RELN: variants seen among roughly 807,000 people sequenced by gnomAD.
The protein encoded by RELN is reelin.
A neutral mutation model predicts 427.6 loss-of-function variants in RELN; 108 were observed. The ratio of observed to expected loss-of-function variants is 0.25; its 90% CI spans 0.22 to 0.30. The LOEUF (loss-of-function observed/expected upper bound fraction) is 0.30. Among genes scored for constraint, RELN ranks in the 10% least tolerant of loss-of-function variants. The pLI is 1.00. For synonymous variants in RELN, 1,524 were observed against 1,513.4 expected (o/e 1.01, Z -0.16); for missense variants, 3,715 against 4,302.8 (o/e 0.86, Z 3.82).
chr7:103,876,322 C>T (rs964435600), intron 2 of RELN, among the ~76,000 whole-genome samples: 2 of 152,086 alleles, frequency 1.3e-5, no homozygotes, highest in Non-Finnish European at 2.9e-5. Context: ...GAGGCTCACA[C>T]AAGATAAAGA....
intron 46 of RELN, among the ~76,000 whole-genome samples, chr7:103,533,735 G>A (rs1355769042): frequency 6.7e-6 from 1 of 148,678 alleles, no homozygotes; most frequent in East Asian, 1.9e-4. Flanking sequence ...TTAAAAGATA[G>A]ATTAAAAGAT....
intron 22 of RELN, among the ~76,000 whole-genome samples, chr7:103,607,023 T>C (rs1380112053): frequency 1.3e-5 from 2 of 148,658 alleles, no homozygotes; most frequent in Non-Finnish European, 3.0e-5. Flanking sequence ...TCATTTTTTA[T>C]GGCTGCATAG....
intron 63 of RELN, 165 bp downstream of exon 63, chr7:103,482,708 G>A (rs2286263): frequency 1.1e-6 from 1 of 908,324 alleles, no homozygotes; most frequent in African/African-American, 1.8e-5. Flanking sequence ...CTATTTCACT[G>A]ATGATTTGAG....
intron 2 of RELN, among the ~76,000 whole-genome samples, chr7:103,865,218 T>G (rs554631675): frequency 4.8e-5 from 7 of 145,810 alleles, no homozygotes; most frequent in Admixed American, 2.0e-4. Context: ...AAATAGGAAA[T>G]TTGAACAGAA....
rs111775924 is a variant in RELN, at chr7:103,794,121, G to A, written c.474-17494C>T. 2.2e-3 allele frequency among the ~76,000 whole-genome samples: 330 copies of A among 152,036 alleles called. 1 individual carries two copies. The highest frequency in any genetic ancestry group is 7.6e-3 in the African/African-American group (313 of 41,444). On this transcript the variant is annotated intron_variant, in intron 3 of 64. Transcript: ENST00000428762. ...TAGGTAATTTTTTTTAATTTTAAGG[G>A]TATTTAAAATGCTGATACTAAACTA...
chr7:103,863,923 G>A (rs980709588), intron 2 of RELN, among the ~76,000 whole-genome samples: 7 of 151,964 alleles, frequency 4.6e-5, no homozygotes, highest in Admixed American at 2.0e-4. Context: ...TCAGGAAGAT[G>A]ACATGTTGCA....
In RELN at chr7:103,953,104, T is replaced by C. The variant is rs1027647951; in HGVS notation, c.227-35919A>G. 2.0e-5 allele frequency among the ~76,000 whole-genome samples: 3 copies of C among 152,082 alleles called. No individual in the cohort carries two copies. The highest frequency in any genetic ancestry group is 7.2e-5 in the African/African-American group (3 of 41,392). On this transcript the variant is annotated intron_variant, in intron 1 of 64. Coordinates refer to ENST00000428762, the MANE Select transcript of RELN (RefSeq NM_005045.4). The surrounding 1 kb of genome is among the most constrained non-coding windows in gnomAD (Gnocchi z 4.3). ...TTCTCTTCCTCATCCCACGCGCTGA[T>C]TCAAGCTCCAAGATTCCTGCTCACT...
intron 28 of RELN, among the ~76,000 whole-genome samples, chr7:103,581,798 G>T (rs113235910): frequency 4.1e-4 from 63 of 152,010 alleles, no homozygotes; most frequent in African/African-American, 1.5e-3. Flanking sequence ...GGAGCCCGCC[G>T]AACTGAAAAA....
intron 11 of RELN, among the ~76,000 whole-genome samples, 187 bp from the exon 12 acceptor site, chr7:103,661,714 T>C (rs966229068): frequency 6.6e-6 from 1 of 152,218 alleles, no homozygotes; most frequent in African/African-American, 2.4e-5. Context: ...TGAATACACT[T>C]TAAACACATT....
chr7:103,610,332 T>C (rs2117287852), intron 22 of RELN, among the ~76,000 whole-genome samples: 1 of 152,306 alleles, frequency 6.6e-6, no homozygotes. Context: ...AAAACAGCTT[T>C]GCAATCCAAA....
chr7:103,861,953 A>G (rs918810193), intron 2 of RELN, among the ~76,000 whole-genome samples: 10 of 152,156 alleles, frequency 6.6e-5, no homozygotes, highest in African/African-American at 2.4e-4. Context: ...GCTAAAAAGA[A>G]GCAGAAGAGA....
intron 27 of RELN, among the ~76,000 whole-genome samples, chr7:103,592,403 G>A (rs1295076574): frequency 2.0e-5 from 3 of 152,238 alleles, no homozygotes; most frequent in Middle Eastern, 3.4e-3. Flanking sequence ...GTTCCATGGT[G>A]TATATGTACC....
chr7:103,832,519 A>C, intron 3 of RELN, among the ~76,000 whole-genome samples: 1 of 152,194 alleles, frequency 6.6e-6, no homozygotes, highest in East Asian at 1.9e-4. Flanking sequence ...GTAGCTAAAT[A>C]AGTGAAGGAT....
chr7:103,575,828 G>A, intron 28 of RELN, 123 bp from the exon 29 acceptor site: 1 of 1,079,738 alleles, frequency 9.3e-7, no homozygotes, highest in East Asian at 2.4e-5. Flanking sequence ...ATGTCTGCTT[G>A]ACTGCACTTA....
intron 7 of RELN, among the ~76,000 whole-genome samples, chr7:103,723,676 T>C (rs969153390): frequency 3.3e-5 from 5 of 152,196 alleles, no homozygotes; most frequent in African/African-American, 9.6e-5. Flanking sequence ...CTAAAGGTCA[T>C]AGGCTTTCTT....
chr7:103,482,407 G>T (rs1367017112), intron 63 of RELN: 1 of 197,184 alleles, frequency 5.1e-6, no homozygotes, highest in Non-Finnish European at 1.0e-5. Flanking sequence ...TGGTCAGGAG[G>T]AATCTGAAAC....
intron 6 of RELN, among the ~76,000 whole-genome samples, chr7:103,733,705 C>A (rs1790417409): frequency 6.9e-6 from 1 of 144,124 alleles, no homozygotes; most frequent in Middle Eastern, 3.4e-3. Flanking sequence ...AAACCAAACA[C>A]CACATATTCT....
chr7:103,774,555 ATGGTG>A (rs1177585255), intron 4 of RELN, among the ~76,000 whole-genome samples: 4 of 152,204 alleles, frequency 2.6e-5, no homozygotes, highest in African/African-American at 9.6e-5. Context: ...GCTGTGGTAT[ATGGTG>A]ACTGCAATTG....
intron 3 of RELN, among the ~76,000 whole-genome samples, chr7:103,793,613 G>C (rs574419235): frequency 1.1e-4 from 17 of 152,276 alleles, no homozygotes; most frequent in Admixed American, 1.0e-3. Flanking sequence ...AAAAGTTCCA[G>C]CACAAGTCTA....
Sources: allele counts gnomAD v4.1 joint callset (sites outside exome capture counted in the v4.1 genomes callset), GRCh38; gene constraint gnomAD v4.1.1; non-coding constraint Gnocchi (gnomAD v3.1); transcripts MANE v1.5; gene names NCBI Gene and HGNC (gene_info 2026-07-23, HGNC 2026-07-21).